Variants in DIAPH2 observed in about 807,000 individuals in gnomAD.
The protein encoded by DIAPH2 is diaphanous related formin 2, also known as protein diaphanous homolog 2.
DIAPH2 carries 35 observed loss-of-function variants against 92.7 expected under a neutral mutation model. That is an observed-to-expected ratio of 0.38 (90% CI 0.29 to 0.50). The LOEUF (loss-of-function observed/expected upper bound fraction) is 0.50. Among genes scored for constraint, DIAPH2 ranks in the 20% least tolerant of loss-of-function variants. The pLI is 0.94. For missense variants in DIAPH2, 701 were observed against 819.5 expected, an observed-to-expected ratio of 0.86 and a Z score of 1.77; for synonymous variants, 301 against 280.4, an observed-to-expected ratio of 1.07 and a Z score of -0.73.
intron 4 of DIAPH2, among the ~76,000 whole-genome samples, chrX:96,779,538 C>T (rs1020735971): frequency 4.5e-5 from 5 of 111,977 alleles, no homozygotes; most frequent in African/African-American, 6.5e-5. Context: ...TTCATTGCTG[C>T]ATAATCCTTC....
At chrX:96,999,370 C>T (rs766443763) in intron 17 of DIAPH2, among the ~76,000 whole-genome samples, 3 of 108,345 alleles carry the variant, frequency 2.8e-5, no homozygotes, top group South Asian at 4.1e-4. Context: ...GGCGTGGTGG[C>T]GGGCGCTGGT....
intron 25 of DIAPH2, among the ~76,000 whole-genome samples, chrX:97,417,806 G>C (rs980391819): frequency 6.3e-5 from 7 of 110,994 alleles, no homozygotes; most frequent in Non-Finnish European, 1.3e-4. Context: ...CTGCCCCAGT[G>C]GATGCCTGGA....
chrX:96,728,230 G>C (rs1459600387), intron 1 of DIAPH2, among the ~76,000 whole-genome samples: 1 of 103,766 alleles, frequency 9.6e-6, no homozygotes, highest in Non-Finnish European at 2.0e-5. Flanking sequence ...TTTTTGGTTT[G>C]ACGGAGTCCC....
intron 17 of DIAPH2, among the ~76,000 whole-genome samples, chrX:97,051,451 A>G (rs2066519402): frequency 9.2e-6 from 1 of 108,770 alleles, no homozygotes; most frequent in African/African-American, 3.3e-5. Context: ...CTCTGGTTTA[A>G]TTTGTCAGGG....
intron 24 of DIAPH2, among the ~76,000 whole-genome samples, chrX:97,370,715 G>C (rs769429785): frequency 9.8e-5 from 11 of 111,870 alleles, no homozygotes; most frequent in African/African-American, 3.6e-4. Context: ...TTTGGAAATA[G>C]CCGGAAGTTA....
intron 4 of DIAPH2, among the ~76,000 whole-genome samples, chrX:96,785,831 G>C (rs1173215486): frequency 9.0e-6 from 1 of 110,867 alleles, no homozygotes; most frequent in Non-Finnish European, 1.9e-5. Context: ...ATAGCACCCA[G>C]AGCCGTATCA....
chrX:97,249,296 C>T (rs1039542641), intron 23 of DIAPH2, among the ~76,000 whole-genome samples: 3 of 111,295 alleles, frequency 2.7e-5, no homozygotes, highest in African/African-American at 9.8e-5. Context: ...ATGAACTTGG[C>T]CTGGACTCCT....
intron 1 of DIAPH2, among the ~76,000 whole-genome samples, chrX:96,717,439 A>G (rs1474497641): frequency 9.2e-6 from 1 of 108,976 alleles, no homozygotes; most frequent in Non-Finnish European, 1.9e-5. Context: ...TGTATTTTGA[A>G]GCTCTGTTAT....
rs2071140815 is a variant in DIAPH2 at position 97,541,606 on chromosome X, A to T, written c.3242-57647A>T. Among the ~76,000 whole-genome samples, 6 of 112,342 alleles carry T rather than the reference A, an allele frequency of 5.3e-5. No homozygotes were observed. In the Admixed American group the frequency reaches 5.7e-4, roughly 11 times the overall value. ...TCCATTTCTGCCATATTCCAAGGAA[A>T]TGCAGATGTATCTTCATTTCTATGC... On this transcript the variant is annotated intron_variant, in intron 26 of 26. Coordinates refer to ENST00000324765, the MANE Select transcript of DIAPH2 (RefSeq NM_006729.5).
At chrX:96,850,260 T>C (rs751679573) in intron 4 of DIAPH2, among the ~76,000 whole-genome samples, 1 of 112,000 alleles carries the variant, frequency 8.9e-6, no homozygotes, top group South Asian at 3.7e-4. Context: ...TTAGTATAGA[T>C]ACAATCTAGA....
chrX:97,317,409 G>C (rs1428115917), intron 23 of DIAPH2, among the ~76,000 whole-genome samples: 1 of 111,943 alleles, frequency 8.9e-6, no homozygotes, highest in Non-Finnish European at 1.9e-5. Flanking sequence ...ATTAAGACTT[G>C]AAACATCATT....
intron 9 of DIAPH2, among the ~76,000 whole-genome samples, chrX:96,925,627 C>G (rs903543277): frequency 9.0e-6 from 1 of 111,606 alleles, no homozygotes; most frequent in Admixed American, 9.5e-5. Context: ...CAGAAATGCA[C>G]TTCAGAATGC....
At chrX:97,177,630 A>G (rs1263715322) in intron 22 of DIAPH2, among the ~76,000 whole-genome samples, 1 of 106,050 alleles carries the variant, frequency 9.4e-6, no homozygotes, top group Non-Finnish European at 1.9e-5. Flanking sequence ...AGAATCTACA[A>G]TTTTCACTTG....
intron 26 of DIAPH2, among the ~76,000 whole-genome samples, chrX:97,473,109 A>G (rs975518910): frequency 8.9e-6 from 1 of 111,817 alleles, no homozygotes; most frequent in African/African-American, 3.3e-5. Flanking sequence ...GGGATGCCCC[A>G]CACACTTTAG....
At chrX:97,252,504 TA>T (rs1327769391) in intron 23 of DIAPH2, among the ~76,000 whole-genome samples, 2 of 111,780 alleles carry the variant, frequency 1.8e-5, no homozygotes, top group Non-Finnish European at 3.8e-5. Flanking sequence ...GCACTGCCAT[TA>T]TGTTAATTGT....
At chrX:96,876,513 A>G (rs1167637442) in intron 4 of DIAPH2, among the ~76,000 whole-genome samples, 2 of 112,089 alleles carry the variant, frequency 1.8e-5, no homozygotes, top group African/African-American at 6.5e-5. Flanking sequence ...ACCAACCCAC[A>G]TGTCCAACAA....
chrX:97,045,354 T>C (rs2066474198), intron 17 of DIAPH2, among the ~76,000 whole-genome samples: 1 of 111,806 alleles, frequency 8.9e-6, no homozygotes, highest in Non-Finnish European at 1.9e-5. Context: ...GGAAATGTTG[T>C]TTGGTAAGTA....
intron 26 of DIAPH2, among the ~76,000 whole-genome samples, chrX:97,488,838 T>A (rs746686988): frequency 2.4e-4 from 27 of 112,103 alleles, no homozygotes; most frequent in African/African-American, 8.4e-4. Context: ...CCATATTTTT[T>A]AAATTGCTGA....
intron 17 of DIAPH2, among the ~76,000 whole-genome samples, chrX:96,976,166 G>A (rs956271941): frequency 9.1e-6 from 1 of 109,511 alleles, no homozygotes; most frequent in South Asian, 4.0e-4. Flanking sequence ...TGTGCACCAC[G>A]ATACCTGGCT....
Sources: gnomAD v4.1 joint callset for allele counts (sites outside exome capture counted in the v4.1 genomes callset) on GRCh38, gnomAD v4.1.1 for gene constraint, MANE v1.5 for transcripts, NCBI Gene and HGNC (gene_info 2026-07-23, HGNC 2026-07-21) for gene names.